The following KIRREL3 variants were observed in gnomAD, a reference collection of about 807,000 sequenced individuals.
KIRREL3 encodes kin of IRRE-like protein 3.
A neutral mutation model predicts 89.7 loss-of-function variants in KIRREL3; 36 were observed. The ratio of observed to expected loss-of-function variants is 0.40; its 90% CI spans 0.31 to 0.53. The LOEUF (loss-of-function observed/expected upper bound fraction) is 0.53. Ranked by LOEUF, KIRREL3 falls within the 20% of genes least tolerant of loss-of-function variation. KIRREL3 has a pLI of 0.49. For missense variants in KIRREL3, 864 were observed against 1,056.6 expected (o/e 0.82, Z 2.53); for synonymous variants, 445 against 441.4 (o/e 1.01, Z -0.10).
chr11:126,497,147 AGAGAGTGT>A (rs779825082), intron 4 of KIRREL3, among the ~76,000 whole-genome samples: 2 of 151,624 alleles, frequency 1.3e-5, no homozygotes, highest in Non-Finnish European at 2.9e-5. Flanking sequence ...AGAGAGAGCG[AGAGAGTGT>A]GAGAGTGTGC....
In KIRREL3 at chr11:126,844,200, G is replaced by A. The variant is rs1006959441; in HGVS notation, c.55+156255C>T. ...CAAAGGCTAACTTTGGGTAAGTGGT[G>A]GGGGTCCGGTAACATCTTTCTGGTG... is the stretch of plus-strand genomic sequence containing the variant. On this transcript the variant is annotated intron_variant, in intron 1 of 16. Coordinates refer to ENST00000525144, the MANE Select transcript of KIRREL3 (RefSeq NM_032531.4). This position sits in a 1 kb window ranked among gnomAD's most constrained non-coding sequence, Gnocchi z 4.8. Among the ~76,000 whole-genome samples, 3 of 151,942 alleles carry A rather than the reference G, an allele frequency of 2.0e-5. No homozygotes were observed. The highest frequency in any genetic ancestry group is 2.1e-4 in the South Asian group (1 of 4,808).
At chr11:126,661,789 G>C (rs536658025) in intron 1 of KIRREL3, among the ~76,000 whole-genome samples, 5 of 152,292 alleles carry the variant, frequency 3.3e-5, no homozygotes, top group African/African-American at 1.2e-4. Flanking sequence ...TGGGTCCTCT[G>C]TATGAATAAT....
chr11:126,526,730 C>T lies in KIRREL3; in HGVS notation c.134-43G>A, dbSNP rs1025382340. The stretch of plus-strand genomic sequence containing the variant: ...ACAATGGTCAGTTATCTGCCGGCTA[C>T]AGGGGCGAGAAGGCTCCCCTCCAGC... On this transcript the variant is annotated intron_variant, in intron 2 of 16. Transcript: ENST00000525144. The surrounding 1 kb of genome is among the most constrained non-coding windows in gnomAD (Gnocchi z 5.7). The T allele has an allele frequency of 5.1e-5, 79 of 1,537,152 alleles. No individual in the cohort carries two copies. Among genetic ancestry groups the T allele is most frequent in the Non-Finnish European group, 6.5e-5 (74 of 1,135,492 alleles).
rs1392460603 is a variant in KIRREL3, at chr11:126,463,689, T to C, written c.592-382A>G. Among the ~76,000 whole-genome samples, 1 of 152,142 alleles carries C rather than the reference T, an allele frequency of 6.6e-6. No homozygotes were observed. The highest frequency in any genetic ancestry group is 1.5e-5 in the Non-Finnish European group (1 of 68,026). On this transcript the variant is annotated intron_variant, in intron 5 of 16. Coordinates refer to ENST00000525144, the MANE Select transcript of KIRREL3 (RefSeq NM_032531.4). This position sits in a 1 kb window ranked among gnomAD's most constrained non-coding sequence, Gnocchi z 5.9. The stretch of plus-strand genomic sequence containing the variant: ...GTGCTTGAGTGACAGTCTCAGGCTC[T>C]GTAGGAAGCAACGAGATGGTTTGCA...
In KIRREL3 at chr11:126,913,830, G is replaced by A. The variant is rs139943584; in HGVS notation, c.55+86625C>T. Among the ~76,000 whole-genome samples the A allele has an allele frequency of 7.6e-4, 115 of 152,314 alleles. 2 individuals are homozygous for A. The East Asian group carries it at 0.016, about 22-fold the overall frequency. On this transcript the variant is annotated intron_variant, in intron 1 of 16. Transcript: ENST00000525144. ...CCTGGCAGAGTAGAGTGCAGGTGGA[G>A]TCTGGGGACCGCATAGCAGAGGAGG...
rs1013057153 is a variant in KIRREL3 at position 126,752,648 on chromosome 11, C to T, written c.56-189736G>A. Among the ~76,000 whole-genome samples the T allele has an allele frequency of 6.6e-6, 1 of 152,180 alleles. No homozygotes were observed. The highest frequency in any genetic ancestry group is 1.5e-5 in the Non-Finnish European group (1 of 68,036). ...CTACTATTCCCCCCCCACCCACTGC[C>T]TCCCAAGATTCACATGTGAAAGAAT... is the stretch of plus-strand genomic sequence containing the variant. On this transcript the variant is annotated intron_variant, in intron 1 of 16. Coordinates refer to ENST00000525144, the MANE Select transcript of KIRREL3 (RefSeq NM_032531.4). The surrounding 1 kb of genome is among the most constrained non-coding windows in gnomAD (Gnocchi z 4.8).
intron 8 of KIRREL3, among the ~76,000 whole-genome samples, chr11:126,448,138 C>T (rs989523764): frequency 6.6e-6 from 1 of 151,986 alleles, no homozygotes; most frequent in African/African-American, 2.4e-5. Context: ...CAAAAATTAT[C>T]TGGGTATGGT....
At position 126,432,080 on chromosome 11, in the gene KIRREL3, G is replaced by GTGGCCC. The variant is rs1387883393; in HGVS notation, c.1589-560_1589-555dup. ...CCCGCAGGTCTGCTGGGCATCAGTT[G>GTGGCCC]TGGCCCTCAGGTGTCCAAGTCTCAG... On this transcript the variant is annotated intron_variant, in intron 13 of 16. Transcript: ENST00000525144. The surrounding 1 kb of genome is among the most constrained non-coding windows in gnomAD (Gnocchi z 6.2). Among the ~76,000 whole-genome samples, 2 of 152,146 alleles carry GTGGCCC rather than the reference G, an allele frequency of 1.3e-5. No individual in the cohort carries two copies. Among genetic ancestry groups the GTGGCCC allele is most frequent in the African/African-American group, 4.8e-5 (2 of 41,422 alleles).
At chr11:126,690,377 C>A (rs1388728629) in intron 1 of KIRREL3, among the ~76,000 whole-genome samples, 1 of 115,444 alleles carries the variant, frequency 8.7e-6, no homozygotes, top group African/African-American at 3.7e-5. Context: ...TTTTTTTTTT[C>A]CCATTAGTTT....
Position 126,463,319 on chromosome 11 carries a change from G to A in KIRREL3, c.592-12C>T. 2 of 1,608,740 alleles carry A rather than the reference G, an allele frequency of 1.2e-6. No individual in the cohort carries two copies. The highest frequency in any genetic ancestry group is 1.1e-5 in the South Asian group (1 of 90,766). ...TCCCGAAGCAGGGTCTTGGGAGAAA[G>A]GGAAAGGGGAGAGAAAGCTCCATGT... On this transcript the variant is annotated splice_polypyrimidine_tract_variant and intron_variant, in intron 5 of 16. Coordinates refer to ENST00000525144, the MANE Select transcript of KIRREL3 (RefSeq NM_032531.4). The surrounding 1 kb of genome is among the most constrained non-coding windows in gnomAD (Gnocchi z 5.9).
In KIRREL3 at chr11:127,000,725, G is replaced by T; in HGVS notation, c.-216C>A. 1.9e-6 allele frequency: 1 copy of T among 536,092 alleles called. No homozygotes were observed. Among genetic ancestry groups the T allele is most frequent in the Non-Finnish European group, 3.3e-6 (1 of 302,892 alleles). 33.2% of individuals were successfully genotyped at this position (536,092 alleles called of 1,614,324 possible). A position where few individuals can be genotyped will look rare whatever the true frequency, so the allele number is the denominator to read the frequency against. On this transcript the variant is annotated 5_prime_UTR_variant, in exon 1 of 17. Transcript: ENST00000525144. This position sits in a 1 kb window ranked among gnomAD's most constrained non-coding sequence, Gnocchi z 7.1. ...TGCCTGTTCTTAGCCGCCTCGGGAAGCCGGGATTGTCAGCAATGTCCCCAC... is the reference window on the plus strand; with the variant it reads ...TGCCTGTTCTTAGCCGCCTCGGGAATCCGGGATTGTCAGCAATGTCCCCAC...
At chr11:126,600,802 A>G (rs916950815) in intron 1 of KIRREL3, among the ~76,000 whole-genome samples, 6 of 152,304 alleles carry the variant, frequency 3.9e-5, no homozygotes, top group African/African-American at 1.4e-4. Context: ...ATTCACTTCC[A>G]TGTCTCATCT....
In KIRREL3 at chr11:126,830,449, C is replaced by T. The variant is rs1943567050; in HGVS notation, c.55+170006G>A. ...GAGAAATGCCATTATCCCATGCACG[C>T]TACAATAAATAGCATTAACATTTCT... On this transcript the variant is annotated intron_variant, in intron 1 of 16. Transcript: ENST00000525144. The surrounding 1 kb of genome is among the most constrained non-coding windows in gnomAD (Gnocchi z 4.9). Among the ~76,000 whole-genome samples the T allele has an allele frequency of 6.6e-6, 1 of 152,164 alleles. No individual in the cohort carries two copies. The highest frequency in any genetic ancestry group is 2.1e-4 in the South Asian group (1 of 4,826).
chr11:126,461,694 G>A (rs1956548959), intron 6 of KIRREL3, among the ~76,000 whole-genome samples: 1 of 152,078 alleles, frequency 6.6e-6, no homozygotes, highest in African/African-American at 2.4e-5. Flanking sequence ...GACACTGGCT[G>A]GGAACTTCTG....
Position 126,965,677 on chromosome 11 carries a change from A to C in KIRREL3, c.55+34778T>G, listed in dbSNP as rs549663805. 6.6e-6 allele frequency among the ~76,000 whole-genome samples: 1 copy of C among 152,348 alleles called. No homozygotes were observed. Among genetic ancestry groups the C allele is most frequent in the African/African-American group, 2.4e-5 (1 of 41,576 alleles). On this transcript the variant is annotated intron_variant, in intron 1 of 16. Transcript: ENST00000525144. The surrounding 1 kb of genome is among the most constrained non-coding windows in gnomAD (Gnocchi z 4.4). ...CAGAGCCATGGATAATCGAAACCTCAGCCAAAAGAAGATCAATAAATATTA... is the reference window on the plus strand; with the variant it reads ...CAGAGCCATGGATAATCGAAACCTCCGCCAAAAGAAGATCAATAAATATTA...
chr11:126,456,056 T>TG (rs1956332165), intron 7 of KIRREL3, among the ~76,000 whole-genome samples: 1 of 135,744 alleles, frequency 7.4e-6, no homozygotes, highest in African/African-American at 2.8e-5. Flanking sequence ...TTTTTTTTTT[T>TG]TCCTGAGCCT....
rs1207068090 is a variant in KIRREL3, at chr11:126,998,000, G to C, written c.55+2455C>G. On this transcript the variant is annotated intron_variant, in intron 1 of 16. Transcript: ENST00000525144. This position sits in a 1 kb window ranked among gnomAD's most constrained non-coding sequence, Gnocchi z 4.3. ...AGGTGGCTGTGTGAGGGTGCCGGGT[G>C]GGGGGGTGTAACCTCAGGCCTCATT... is the stretch of plus-strand genomic sequence containing the variant. 2.6e-5 allele frequency among the ~76,000 whole-genome samples: 4 copies of C among 152,174 alleles called. No individual in the cohort carries two copies. Among genetic ancestry groups the C allele is most frequent in the South Asian group, 4.2e-4 (2 of 4,808 alleles).
At chr11:126,662,184 G>A (rs569260657) in intron 1 of KIRREL3, among the ~76,000 whole-genome samples, 65 of 152,234 alleles carry the variant, frequency 4.3e-4, no homozygotes, top group African/African-American at 1.4e-3. Context: ...CAGAGGCTTC[G>A]GGCAACTGCT....
rs926748116 is a variant in KIRREL3, at chr11:126,570,031, C to G, written c.56-7119G>C. ...TACATCATGCAAAGATCATAATTTT[C>G]TGATCAACCTCTATCATAAAGAGGA... On this transcript the variant is annotated intron_variant, in intron 1 of 16. Transcript: ENST00000525144. This position sits in a 1 kb window ranked among gnomAD's most constrained non-coding sequence, Gnocchi z 6.1. 1.3e-5 allele frequency among the ~76,000 whole-genome samples: 2 copies of G among 152,114 alleles called. No individual in the cohort carries two copies. The highest frequency in any genetic ancestry group is 1.9e-4 in the East Asian group (1 of 5,186).
Sources: gnomAD v4.1 joint callset for allele counts (sites outside exome capture counted in the v4.1 genomes callset) on GRCh38, gnomAD v4.1.1 for gene constraint, Gnocchi (gnomAD v3.1) non-coding constraint, MANE v1.5 for transcripts, NCBI Gene and HGNC (gene_info 2026-07-23, HGNC 2026-07-21) for gene names.